The following LYN variants were observed in gnomAD, a reference collection of about 807,000 sequenced individuals.
The protein encoded by LYN is LYN proto-oncogene, Src family tyrosine kinase.
LYN carries 12 observed loss-of-function variants against 65.0 expected under a neutral mutation model. The ratio of observed to expected loss-of-function variants is 0.18; its 90% CI spans 0.12 to 0.30. The LOEUF is 0.30. Ranked by LOEUF, LYN falls within the 10% of genes least tolerant of loss-of-function variation. The probability of loss-of-function intolerance (pLI) is 1.00; values close to 1 mark genes in which losing one functional copy is unlikely to be tolerated. For missense variants in LYN, 380 were observed against 623.2 expected (o/e 0.61, Z 4.16); for synonymous variants, 222 against 221.2 (o/e 1.00, Z -0.03).
intron 1 of LYN, among the ~76,000 whole-genome samples, chr8:55,918,476 T>C (rs770035711): frequency 6.6e-5 from 10 of 152,230 alleles, no homozygotes; most frequent in Non-Finnish European, 1.0e-4. Context: ...TTAAGAATCA[T>C]TGCCTTCTGC....
At chr8:55,971,778 A>G (rs564091811) in intron 10 of LYN, among the ~76,000 whole-genome samples, 1 of 152,340 alleles carries the variant, frequency 6.6e-6, no homozygotes, top group South Asian at 2.1e-4. Context: ...TCTTTAATTT[A>G]GTGAATTACT....
intron 4 of LYN, among the ~76,000 whole-genome samples, chr8:55,949,104 A>G (rs141789686): frequency 2.2e-4 from 33 of 152,280 alleles, no homozygotes; most frequent in African/African-American, 7.7e-4. Context: ...GGACTCGAGC[A>G]TGGTGCTGAA....
intron 4 of LYN, among the ~76,000 whole-genome samples, chr8:55,948,131 G>A (rs559907375): frequency 6.6e-6 from 1 of 152,156 alleles, no homozygotes; most frequent in East Asian, 1.9e-4. Context: ...GTGCCACCAG[G>A]CCTGGCTAAT....
intron 1 of LYN, among the ~76,000 whole-genome samples, chr8:55,911,274 TATATA>T (rs1805627092): frequency 2.1e-5 from 1 of 46,902 alleles, no homozygotes; most frequent in African/African-American, 7.0e-5. Flanking sequence ...TATATATATA[TATATA>T]TATATATTTT....
At chr8:55,968,092 C>T (rs1343043780) in intron 9 of LYN, among the ~76,000 whole-genome samples, 1 of 152,064 alleles carries the variant, frequency 6.6e-6, no homozygotes, top group Non-Finnish European at 1.5e-5. Context: ...AGCAAACAAA[C>T]CAATTAGCTC....
chr8:55,922,863 C>T (rs1175359357), intron 1 of LYN, among the ~76,000 whole-genome samples: 1 of 152,110 alleles, frequency 6.6e-6, no homozygotes, highest in Non-Finnish European at 1.5e-5. Context: ...GAGGCAACCT[C>T]AGCAACCTGG....
At chr8:55,942,458 T>TAC (rs1246218758) in intron 2 of LYN, among the ~76,000 whole-genome samples, 19 of 147,342 alleles carry the variant, frequency 1.3e-4, no homozygotes, top group South Asian at 2.1e-4. Context: ...TATATATATA[T>TAC]ACACACATAC....
chr8:55,977,249 G>C (rs1241086526), intron 10 of LYN, among the ~76,000 whole-genome samples: 1 of 152,164 alleles, frequency 6.6e-6, no homozygotes, highest in Non-Finnish European at 1.5e-5. Flanking sequence ...AGACTAAACT[G>C]TTTTGTAGAT....
At chr8:55,894,379 T>TA (rs1298756715) in intron 1 of LYN, among the ~76,000 whole-genome samples, 1 of 151,286 alleles carries the variant, frequency 6.6e-6, no homozygotes, top group African/African-American at 2.4e-5. Context: ...TTCTTAATTT[T>TA]TTTTTTTTTG....
At chr8:55,999,220 A>G (rs1808454006) in intron 11 of LYN, among the ~76,000 whole-genome samples, 198 bp from the exon 12 acceptor site, 1 of 152,188 alleles carries the variant, frequency 6.6e-6, no homozygotes, top group Admixed American at 6.5e-5. Flanking sequence ...AACAAGGATT[A>G]TTATTATTTT....
chr8:55,939,462 AAGAGAG>A (rs111951441), intron 1 of LYN, among the ~76,000 whole-genome samples: 55 of 148,338 alleles, frequency 3.7e-4, no homozygotes, highest in Middle Eastern at 3.4e-3. Flanking sequence ...TTCCCAAGAG[AAGAGAG>A]AGAGAGAGAG....
At chr8:55,916,029 T>C (rs1371595093) in intron 1 of LYN, among the ~76,000 whole-genome samples, 1 of 152,208 alleles carries the variant, frequency 6.6e-6, no homozygotes, top group Non-Finnish European at 1.5e-5. Context: ...TTTAAAAGCA[T>C]ATAAAATAAT....
rs561046147 is a variant in LYN at position 55,894,434 on chromosome 8, A to G, written c.-6+14331A>G. Among the ~76,000 whole-genome samples, 31 of 151,114 alleles carry G rather than the reference A, an allele frequency of 2.1e-4. 1 individual carries two copies. In the East Asian group the frequency reaches 4.7e-3, roughly 23 times the overall value. On this transcript the variant is annotated intron_variant, in intron 1 of 12. Transcript: ENST00000519728. The stretch of plus-strand genomic sequence containing the variant: ...ACCCAAACTTAAGTGCAGTGGCTCA[A>G]TCTTGGCTCACTGCAGCCTCAACCT...
intron 10 of LYN, among the ~76,000 whole-genome samples, chr8:55,991,762 T>G (rs1912818): frequency 0.26 from 40,278 of 152,098 alleles, 5,796 homozygotes; most frequent in African/African-American, 0.35. Flanking sequence ...CACCCCCACA[T>G]GCTCCCTTGT....
chr8:55,898,218 G>A (rs1805172701), intron 1 of LYN, among the ~76,000 whole-genome samples: 1 of 151,984 alleles, frequency 6.6e-6, no homozygotes, highest in Non-Finnish European at 1.5e-5. Context: ...TGTGTTTTCT[G>A]TAATGTCATA....
chr8:56,007,491 A>G (rs1421758571), intron 12 of LYN, among the ~76,000 whole-genome samples: 2 of 152,262 alleles, frequency 1.3e-5, no homozygotes, highest in Non-Finnish European at 2.9e-5. Flanking sequence ...TAGACTCAGG[A>G]AAATGGATTT....
intron 1 of LYN, among the ~76,000 whole-genome samples, chr8:55,897,114 C>T (rs547804568): frequency 1.4e-4 from 21 of 152,306 alleles, no homozygotes; most frequent in African/African-American, 4.3e-4. Flanking sequence ...CTCACCCGAA[C>T]GCTGGCTTTA....
At chr8:55,953,255 T>G (rs1807005280) in intron 7 of LYN, among the ~76,000 whole-genome samples, 1 of 152,172 alleles carries the variant, frequency 6.6e-6, no homozygotes, top group Non-Finnish European at 1.5e-5. Context: ...AGTGTGACAA[T>G]CTGGCAGCCT....
intron 12 of LYN, among the ~76,000 whole-genome samples, chr8:56,002,641 A>AATTAT (rs1234775525): frequency 6.6e-6 from 1 of 151,482 alleles, no homozygotes; most frequent in Non-Finnish European, 1.5e-5. Context: ...AATTAAATTA[A>AATTAT]ATTAAATTAA....
Sources: allele counts gnomAD v4.1 joint callset (sites outside exome capture counted in the v4.1 genomes callset), GRCh38; gene constraint gnomAD v4.1.1; transcripts MANE v1.5; gene names NCBI Gene and HGNC (gene_info 2026-07-23, HGNC 2026-07-21).